Variants in LUZP1 observed in about 807,000 individuals in gnomAD.
The protein encoded by LUZP1 is leucine zipper protein 1, also known as filamin mechanobinding actin cross-linking protein.
In LUZP1, 25 loss-of-function variants were observed where a neutral mutation model predicts 71.3. The observed-to-expected ratio is 0.35, with a 90% CI of 0.26 to 0.49. The LOEUF is 0.49. LUZP1 is among the 20% of genes least tolerant of loss of function. The pLI is 0.99. For missense variants in LUZP1, 1,142 were observed against 1,300.8 expected (o/e 0.88, Z 1.88); for synonymous variants, 481 against 506.4 (o/e 0.95, Z 0.67).
intron 2 of LUZP1, among the ~76,000 whole-genome samples, chr1:23,138,663 T>TGTGTGTG (rs1553140068): frequency 4.8e-4 from 60 of 125,664 alleles, no homozygotes; most frequent in East Asian, 3.1e-3. Context: ...GATTATGTGT[T>TGTGTGTG]TGTGTGTGTG....
intron 2 of LUZP1, among the ~76,000 whole-genome samples, chr1:23,145,896 G>C (rs1011309424): frequency 6.6e-6 from 1 of 152,084 alleles, no homozygotes; most frequent in African/African-American, 2.4e-5. Context: ...ATAAATTTGA[G>C]TATATATTAC....
At chr1:23,151,426 C>T (rs972364554) in intron 2 of LUZP1, among the ~76,000 whole-genome samples, 5 of 152,158 alleles carry the variant, frequency 3.3e-5, no homozygotes, top group African/African-American at 1.2e-4. Flanking sequence ...TTAGTTAGCA[C>T]TTCACTGATT....
intron 2 of LUZP1, among the ~76,000 whole-genome samples, chr1:23,121,449 T>C (rs1644128937): frequency 6.6e-6 from 1 of 152,188 alleles, no homozygotes. Flanking sequence ...CTAGGCACAG[T>C]GGTTCATGCC....
At chr1:23,160,957 G>C (rs1266606919) in intron 2 of LUZP1, among the ~76,000 whole-genome samples, 3 of 152,166 alleles carry the variant, frequency 2.0e-5, no homozygotes, top group African/African-American at 7.2e-5. Context: ...TTTTAGAGAA[G>C]AAAGATTAAC....
chr1:23,088,971 T>C (rs781520796), exon 5 of LUZP1: 1 of 1,614,158 alleles, frequency 6.2e-7, no homozygotes, highest in South Asian at 1.1e-5. Flanking sequence ...TGGCAGCCCC[T>C]GCTTCCCAGG....
chr1:23,112,592 C>T (rs1294403998), intron 2 of LUZP1, among the ~76,000 whole-genome samples: 1 of 152,182 alleles, frequency 6.6e-6, no homozygotes, highest in East Asian at 1.9e-4. Context: ...CCACAGACAA[C>T]AACTATACTC....
chr1:23,088,910 A>T lies in LUZP1; in HGVS notation c.3216T>A (p.Cys1072Ter). Reference sequence around the variant, plus strand: ...CCCAGCGGGCTCAGTTCTCCTCAGCACAGGGCCTGGTTGGCCGTAATCGTT... The same window carrying T: ...CCCAGCGGGCTCAGTTCTCCTCAGCTCAGGGCCTGGTTGGCCGTAATCGTT... Residue 1072 changes from cysteine (C) to a stop codon, truncating the protein, a stop_gained, in exon 5 of 5, where the codon TGT (cysteine) becomes TGA (stop). Transcript: ENST00000302291. LOFTEE classifies it high-confidence loss of function. The T allele has an allele frequency of 6.2e-7, 1 of 1,614,136 alleles. No homozygotes were observed. The highest frequency in any genetic ancestry group is 1.1e-5 in the South Asian group (1 of 91,074).
intron 2 of LUZP1, among the ~76,000 whole-genome samples, chr1:23,136,855 T>C (rs1644258625): frequency 6.6e-6 from 1 of 152,170 alleles, no homozygotes; most frequent in Non-Finnish European, 1.5e-5. Flanking sequence ...GAGGCGGAGC[T>C]TGCAGTGAGC....
intron 2 of LUZP1, among the ~76,000 whole-genome samples, chr1:23,142,394 T>C (rs1207296714): frequency 6.6e-6 from 1 of 152,164 alleles, no homozygotes; most frequent in Non-Finnish European, 1.5e-5. Flanking sequence ...CATTTCTCTT[T>C]TTGTAATGGT....
rs762816399 is a variant in LUZP1 at position 23,094,074 on chromosome 1, G to A, written c.188C>T (p.Ala63Val). Reference sequence around the variant, plus strand: ...CCGCTGGCGCAGCACTTCAATCTCCGCCAACATGCTGGAGTTGCTACCTTC... The same window carrying A: ...CCGCTGGCGCAGCACTTCAATCTCCACCAACATGCTGGAGTTGCTACCTTC... The change falls in exon 4 of 5, where the codon GCG becomes GTG. Residue 63 changes from alanine (A) to valine (V), a missense_variant. Physicochemically the swap from Ala to Val is moderately conservative, Grantham distance 64. Transcript: ENST00000302291. The surrounding 1 kb of genome is among the most constrained non-coding windows in gnomAD (Gnocchi z 4.7). 7 of 1,613,936 alleles carry A rather than the reference G, an allele frequency of 4.3e-6. No individual in the cohort carries two copies. The highest frequency in any genetic ancestry group is 5.9e-6 in the Non-Finnish European group (7 of 1,180,026).
intron 2 of LUZP1, among the ~76,000 whole-genome samples, chr1:23,136,507 T>TA (rs1015081826): frequency 6.6e-6 from 1 of 152,128 alleles, no homozygotes; most frequent in Admixed American, 6.6e-5. Context: ...TGTGTGACCT[T>TA]AAAGATTAGT....
intron 4 of LUZP1, 80 bp from the exon 4 acceptor site, chr1:23,089,133 G>A (rs1643814517): frequency 7.1e-7 from 1 of 1,402,824 alleles, no homozygotes; most frequent in Non-Finnish European, 1.0e-6. Flanking sequence ...TACCATAGTG[G>A]GTCCTTTCCA....
intron 1 of LUZP1, among the ~76,000 whole-genome samples, chr1:23,176,101 G>A (rs1290706782): frequency 1.5e-5 from 2 of 136,198 alleles, no homozygotes; most frequent in African/African-American, 2.8e-5. Flanking sequence ...TTGCTCTGTC[G>A]CCCAGGCTGG....
At chr1:23,149,765 C>T (rs1334493286) in intron 2 of LUZP1, among the ~76,000 whole-genome samples, 4 of 151,902 alleles carry the variant, frequency 2.6e-5, no homozygotes, top group African/African-American at 9.7e-5. Flanking sequence ...AGATCGAGAT[C>T]AGCCTGACCA....
At chr1:23,167,573 G>A (rs1322055711) in intron 2 of LUZP1, among the ~76,000 whole-genome samples, 3 of 152,312 alleles carry the variant, frequency 2.0e-5, no homozygotes, top group Middle Eastern at 6.8e-3. Context: ...ACCCGCAAGG[G>A]TGAGCACTGG....
At chr1:23,092,002 C>T in exon 4 of LUZP1, 3 of 1,614,088 alleles carry the variant, frequency 1.9e-6, no homozygotes, top group Non-Finnish European at 2.5e-6. Flanking sequence ...TTGATGATGG[C>T]TCTAGACCGC....
intron 2 of LUZP1, among the ~76,000 whole-genome samples, chr1:23,144,577 T>C (rs1644328454): frequency 2.0e-5 from 3 of 152,200 alleles, no homozygotes; most frequent in African/African-American, 7.2e-5. Flanking sequence ...TCCCAGTTCC[T>C]GGCAGATGTG....
chr1:23,169,368 C>G (rs1644537586), intron 1 of LUZP1, among the ~76,000 whole-genome samples: 1 of 152,090 alleles, frequency 6.6e-6, no homozygotes, highest in African/African-American at 2.4e-5. Context: ...AAGCGGGACA[C>G]TCTCAGTAGG....
intron 3 of LUZP1, among the ~76,000 whole-genome samples, chr1:23,108,020 C>G (rs1020351026): frequency 2.0e-5 from 3 of 152,132 alleles, no homozygotes; most frequent in Non-Finnish European, 4.4e-5. Flanking sequence ...GCTCTACTTT[C>G]CTAGGGAAGC....
Sources: gnomAD v4.1 joint callset for allele counts (sites outside exome capture counted in the v4.1 genomes callset) on GRCh38, gnomAD v4.1.1 for gene constraint, Gnocchi (gnomAD v3.1) non-coding constraint, MANE v1.5 for transcripts, NCBI Gene and HGNC (gene_info 2026-07-23, HGNC 2026-07-21) for gene names.